Variants in TRIO observed in about 807,000 individuals in gnomAD.
The protein encoded by TRIO is trio Rho guanine nucleotide exchange factor.
Under a neutral mutation model 351.9 loss-of-function variants are expected in TRIO, and 58 were observed. The observed-to-expected ratio is 0.16, with a 90% CI of 0.13 to 0.21. The LOEUF is 0.21. TRIO is among the 10% of genes least tolerant of loss of function. The probability of loss-of-function intolerance (pLI) is 1.00; values close to 1 mark genes in which losing one functional copy is unlikely to be tolerated. For synonymous variants in TRIO, 1,758 were observed against 1,595.7 expected (o/e 1.10, Z -2.42); for missense variants, 3,201 against 4,027.8 (o/e 0.79, Z 5.56).
intron 9 of TRIO, among the ~76,000 whole-genome samples, chr5:14,325,836 A>G (rs898015069): frequency 2.0e-5 from 3 of 152,218 alleles, no homozygotes; most frequent in East Asian, 1.9e-4. Context: ...AGCGGGACTG[A>G]GGAAGCATTA....
chr5:14,170,206 A>T (rs1011032374), intron 1 of TRIO, among the ~76,000 whole-genome samples: 4 of 152,218 alleles, frequency 2.6e-5, no homozygotes, highest in Non-Finnish European at 4.4e-5. Context: ...TACTAGACAT[A>T]TAAAAAAGAC....
chr5:14,150,016 T>C (rs905801179), intron 1 of TRIO, among the ~76,000 whole-genome samples: 1 of 152,192 alleles, frequency 6.6e-6, no homozygotes, highest in African/African-American at 2.4e-5. Flanking sequence ...AGATTTGTCC[T>C]GGCCGCTCTG....
intron 33 of TRIO, among the ~76,000 whole-genome samples, chr5:14,412,351 A>G (rs1469196513): frequency 6.6e-6 from 1 of 152,204 alleles, no homozygotes; most frequent in Non-Finnish European, 1.5e-5. Context: ...GACGTTCTAC[A>G]CTCCAGGAAC....
At chr5:14,240,657 A>G (rs748552873) in intron 1 of TRIO, among the ~76,000 whole-genome samples, 40 of 152,212 alleles carry the variant, frequency 2.6e-4, no homozygotes, top group African/African-American at 7.7e-4. Flanking sequence ...GTCTGACATC[A>G]GAAGACTTGC....
At chr5:14,209,940 G>A (rs961114989) in intron 1 of TRIO, among the ~76,000 whole-genome samples, 1 of 152,202 alleles carries the variant, frequency 6.6e-6, no homozygotes, top group Non-Finnish European at 1.5e-5. Context: ...CCAGGGTGTT[G>A]GCTGCTCCCC....
intron 11 of TRIO, among the ~76,000 whole-genome samples, chr5:14,338,243 C>T (rs1741610476): frequency 1.3e-5 from 2 of 152,174 alleles, no homozygotes; most frequent in African/African-American, 4.8e-5. Context: ...CGTACCCCTG[C>T]TTTTAAACTA....
intron 48 of TRIO, among the ~76,000 whole-genome samples, chr5:14,491,165 T>G (rs1162367283): frequency 2.0e-5 from 3 of 152,230 alleles, no homozygotes; most frequent in Non-Finnish European, 4.4e-5. Flanking sequence ...TTCTCAGGCT[T>G]GACCTCATGG....
chr5:14,286,356 C>G lies in TRIO; in HGVS notation c.348-515C>G, dbSNP rs1289106742. Among the ~76,000 whole-genome samples, 1 of 152,092 alleles carries G rather than the reference C, an allele frequency of 6.6e-6. No homozygotes were observed. The highest frequency in any genetic ancestry group is 1.5e-5 in the Non-Finnish European group (1 of 68,018). ...GAATAAAATGGAACATAAGAAAGTT[C>G]TCATCATTGCCAGCCATGCTAGTGG... On this transcript the variant is annotated intron_variant, in intron 3 of 56. Coordinates refer to ENST00000344204, the MANE Select transcript of TRIO (RefSeq NM_007118.4). The surrounding 1 kb of genome is among the most constrained non-coding windows in gnomAD (Gnocchi z 4.4).
chr5:14,170,745 T>TC (rs1165301658), intron 1 of TRIO, among the ~76,000 whole-genome samples: 2 of 152,148 alleles, frequency 1.3e-5, no homozygotes, highest in Non-Finnish European at 2.9e-5. Context: ...ACTTCAGTGA[T>TC]CCTCTCGCCT....
At chr5:14,476,854 A>G (rs760671363) in intron 40 of TRIO, 40 bp from the exon 41 acceptor site, 4 of 1,530,652 alleles carry the variant, frequency 2.6e-6, no homozygotes, top group Non-Finnish European at 3.6e-6. Flanking sequence ...TTAGAAGGCC[A>G]CACTGGAAAT....
intron 1 of TRIO, among the ~76,000 whole-genome samples, chr5:14,263,142 C>T (rs2152262966): frequency 6.6e-6 from 1 of 152,192 alleles, no homozygotes; most frequent in African/African-American, 2.4e-5. Context: ...TCGCTCTGGC[C>T]CTGATTTTTC....
At chr5:14,192,957 T>G (rs1790545790) in intron 1 of TRIO, among the ~76,000 whole-genome samples, 1 of 152,268 alleles carries the variant, frequency 6.6e-6, no homozygotes, top group Non-Finnish European at 1.5e-5. Flanking sequence ...GGCATTGTTC[T>G]TAACAGCTTA....
intron 33 of TRIO, among the ~76,000 whole-genome samples, chr5:14,411,276 C>T (rs1749174630): frequency 6.6e-6 from 1 of 152,182 alleles, no homozygotes; most frequent in Non-Finnish European, 1.5e-5. Flanking sequence ...CCTGTCTCTT[C>T]CTTATTAGTC....
intron 18 of TRIO, among the ~76,000 whole-genome samples, chr5:14,372,376 T>G (rs753557001): frequency 6.6e-5 from 10 of 152,072 alleles, no homozygotes; most frequent in African/African-American, 9.7e-5. Flanking sequence ...TCTCTGTGAT[T>G]GGTAAGAAGA....
intron 1 of TRIO, among the ~76,000 whole-genome samples, chr5:14,171,293 A>T (rs888031042): frequency 1.3e-5 from 2 of 152,252 alleles, no homozygotes; most frequent in African/African-American, 2.4e-5. Context: ...ATATCATGCC[A>T]TTATGAGAAA....
At position 14,414,551 on chromosome 5, in the gene TRIO, A is replaced by T. The variant is rs555422443; in HGVS notation, c.4960-5227A>T. On this transcript the variant is annotated intron_variant, in intron 33 of 56. Coordinates refer to ENST00000344204, the MANE Select transcript of TRIO (RefSeq NM_007118.4). ...ACTGTCCTCACTCCTTCTTTTCCAG[A>T]TACAGTGTTGAGTATGGTAAGCTGC... Among the ~76,000 whole-genome samples the T allele has an allele frequency of 2.6e-5, 4 of 152,254 alleles. No homozygotes were observed. In the South Asian group the frequency reaches 8.3e-4, roughly 32 times the overall value.
intron 9 of TRIO, among the ~76,000 whole-genome samples, chr5:14,320,353 G>A (rs73059540): frequency 1.3e-5 from 2 of 151,968 alleles, no homozygotes; most frequent in African/African-American, 4.8e-5. Context: ...TCAACTGTTC[G>A]GCTGGCGTGG....
At chr5:14,283,353 T>C (rs553083840) in intron 3 of TRIO, among the ~76,000 whole-genome samples, 8 of 152,306 alleles carry the variant, frequency 5.3e-5, no homozygotes, top group Non-Finnish European at 8.8e-5. Flanking sequence ...GTCACAGGGC[T>C]GGTGTCATAT....
intron 3 of TRIO, among the ~76,000 whole-genome samples, chr5:14,282,830 T>C (rs1736121716): frequency 6.6e-6 from 1 of 152,186 alleles, no homozygotes; most frequent in South Asian, 2.1e-4. Context: ...GCGTTTGCAT[T>C]AACTGCAGTC....
Sources: gnomAD v4.1 joint callset for allele counts (sites outside exome capture counted in the v4.1 genomes callset) on GRCh38, gnomAD v4.1.1 for gene constraint, Gnocchi (gnomAD v3.1) non-coding constraint, MANE v1.5 for transcripts, NCBI Gene and HGNC (gene_info 2026-07-23, HGNC 2026-07-21) for gene names.